Variants in TSPAN3 observed in about 807,000 individuals in gnomAD.
TSPAN3 encodes the protein tetraspanin 3, also known as tetraspanin-3.
Under a neutral mutation model 31.1 loss-of-function variants are expected in TSPAN3, and 9 were observed. That is an observed-to-expected ratio of 0.29 (90% confidence interval 0.17 to 0.50). The LOEUF is 0.50. TSPAN3 is among the 20% of genes least tolerant of loss of function. The probability of loss-of-function intolerance (pLI) is 0.98; values close to 1 mark genes in which losing one functional copy is unlikely to be tolerated. For synonymous variants in TSPAN3, 129 were observed against 114.3 expected, an observed-to-expected ratio of 1.13 and a Z score of -0.82; for missense variants, 252 against 313.5, an observed-to-expected ratio of 0.80 and a Z score of 1.48.
chr15:77,070,722 G>A (rs1460739396), intron 1 of TSPAN3, among the ~76,000 whole-genome samples, 170 bp downstream of exon 1: 1 of 151,188 alleles, frequency 6.6e-6, no homozygotes, highest in Non-Finnish European at 1.5e-5. Flanking sequence ...GTCCGGCAGG[G>A]ACCTCGCGAA....
At position 77,054,244 on chromosome 15, in the gene TSPAN3, C is replaced by T. The variant is rs773776897; in HGVS notation, c.366G>A (p.Val122=). The change falls in exon 4 of 7, where the codon GTG becomes GTA. Residue 122 remains valine (V), a synonymous_variant. Transcript: ENST00000267970. ...ENEVDRSIQK[V]YKTYNGTNPD... ...GGTTGGTTCCATTGTAGGTCTTATA[C>T]ACTTTCTGAATGCTGCGATCAACCT... The T allele has an allele frequency of 2.5e-5, 40 of 1,613,786 alleles. No homozygotes were observed. In the Admixed American group the frequency reaches 2.7e-4, roughly 11 times the overall value.
rs1320738812 is a variant in TSPAN3, at chr15:77,043,280, G to A, written c.*3555C>T. ...CTGTTTTCTCTTCCCTTAGCCCTAG[G>A]GGTGATGGCTGTTCTCTGCTAAGCT... is the stretch of plus-strand genomic sequence containing the variant. On this transcript the variant is annotated 3_prime_UTR_variant, in exon 7 of 7. Coordinates refer to ENST00000267970, the MANE Select transcript of TSPAN3 (RefSeq NM_005724.6). 1.3e-5 allele frequency: 2 copies of A among 152,212 alleles called. No homozygotes were observed. The highest frequency in any genetic ancestry group is 4.8e-5 in the African/African-American group (2 of 41,414). 9.4% of individuals were successfully genotyped at this position (152,212 alleles called of 1,614,324 possible). A position where few individuals can be genotyped will look rare whatever the true frequency, so the allele number is the denominator to read the frequency against.
intron 3 of TSPAN3, 41 bp downstream of exon 3, chr15:77,055,748 C>A: frequency 6.7e-7 from 1 of 1,492,574 alleles, no homozygotes; most frequent in Non-Finnish European, 9.1e-7. Context: ...ACACTTAAAC[C>A]ACCTTTTAAG....
In TSPAN3 at chr15:77,046,501, C is replaced by T. The variant is rs1249022189; in HGVS notation, c.*334G>A. 2.1e-5 allele frequency: 9 copies of T among 422,722 alleles called. No individual in the cohort carries two copies. The highest frequency in any genetic ancestry group is 8.5e-5 in the South Asian group (1 of 11,696). The allele number at this position is 422,722 out of a possible 1,614,324, so 26.2% of individuals were successfully genotyped here. On this transcript the variant is annotated 3_prime_UTR_variant, in exon 7 of 7. Transcript: ENST00000267970. Reference sequence around the variant, plus strand: ...AGACTGAAAGGACCTGGTGACATTTCGGCATCAGTCCTGTTACCACTTGGA... The same window carrying T: ...AGACTGAAAGGACCTGGTGACATTTTGGCATCAGTCCTGTTACCACTTGGA...
At chr15:77,061,358 T>A (rs1014080382) in intron 1 of TSPAN3, among the ~76,000 whole-genome samples, 1 of 151,946 alleles carries the variant, frequency 6.6e-6, no homozygotes. Context: ...AGAAACCCCG[T>A]CTCTACTAAA....
At chr15:77,059,381 C>T (rs2076787435) in intron 1 of TSPAN3, among the ~76,000 whole-genome samples, 1 of 152,214 alleles carries the variant, frequency 6.6e-6, no homozygotes, top group African/African-American at 2.4e-5. Context: ...TGCGCCTGGC[C>T]AGACATAGCT....
At chr15:77,059,506 ACAC>A (rs1159818580) in intron 1 of TSPAN3, among the ~76,000 whole-genome samples, 1 of 152,222 alleles carries the variant, frequency 6.6e-6, no homozygotes, top group Non-Finnish European at 1.5e-5. Context: ...ATGTACACAC[ACAC>A]ATTTTGCTAA....
intron 4 of TSPAN3, among the ~76,000 whole-genome samples, 173 bp from the exon 5 acceptor site, chr15:77,053,102 T>C (rs1390354982): frequency 6.6e-6 from 1 of 152,192 alleles, no homozygotes. Context: ...GAAGCTCTAC[T>C]GAGCACTTAA....
At chr15:77,052,028 A>T (rs922192044) in intron 6 of TSPAN3, among the ~76,000 whole-genome samples, 24 of 152,238 alleles carry the variant, frequency 1.6e-4, no homozygotes, top group African/African-American at 5.5e-4. Flanking sequence ...TGAAAGAAAG[A>T]AGTACAATTT....
chr15:77,043,817 T>A lies in TSPAN3; in HGVS notation c.*3018A>T, dbSNP rs1460048623. ...GAATTTGACAACTGTACTGCAGTCG[T>A]CAGAGAGTATCTTCTTCTTGGTAAG... On this transcript the variant is annotated 3_prime_UTR_variant, in exon 7 of 7. Transcript: ENST00000267970. The A allele has an allele frequency of 6.6e-6, 1 of 152,140 alleles. No individual in the cohort carries two copies. The highest frequency in any genetic ancestry group is 1.5e-5 in the Non-Finnish European group (1 of 68,028). The allele number at this position is 152,140 out of a possible 1,614,324, so 9.4% of individuals were successfully genotyped here. A position where few individuals can be genotyped will look rare whatever the true frequency, so the allele number is the denominator to read the frequency against.
intron 1 of TSPAN3, among the ~76,000 whole-genome samples, chr15:77,062,933 T>C (rs1280180180): frequency 2.6e-5 from 4 of 152,232 alleles, no homozygotes; most frequent in Admixed American, 2.6e-4. Flanking sequence ...AAAATGTTGA[T>C]ATTGGTTGTC....
At chr15:77,048,453 A>G (rs947447645) in intron 6 of TSPAN3, among the ~76,000 whole-genome samples, 2 of 152,056 alleles carry the variant, frequency 1.3e-5, no homozygotes, top group African/African-American at 4.8e-5. Context: ...TGAAATAAGT[A>G]TTTCTTTCCC....
chr15:77,043,778 G>C lies in TSPAN3; in HGVS notation c.*3057C>G, dbSNP rs979525488. 6.6e-6 allele frequency: 1 copy of C among 152,256 alleles called. No homozygotes were observed. The highest frequency in any genetic ancestry group is 2.4e-5 in the African/African-American group (1 of 41,440). 9.4% of individuals were successfully genotyped at this position (152,256 alleles called of 1,614,324 possible). ...ATATGAGTGGTGAGGTATTCTATCAGTGTTAGATGGACGGAATTTGACAAC... is the reference window on the plus strand; with the variant it reads ...ATATGAGTGGTGAGGTATTCTATCACTGTTAGATGGACGGAATTTGACAAC... On this transcript the variant is annotated 3_prime_UTR_variant, in exon 7 of 7. Coordinates refer to ENST00000267970, the MANE Select transcript of TSPAN3 (RefSeq NM_005724.6).
intron 1 of TSPAN3, among the ~76,000 whole-genome samples, chr15:77,065,712 GTTTTAT>G (rs2076828670): frequency 6.6e-6 from 1 of 152,156 alleles, no homozygotes; most frequent in African/African-American, 2.4e-5. Flanking sequence ...TGGCTGATAA[GTTTTAT>G]TTTTAAAGGC....
At chr15:77,051,086 G>T (rs1327839827) in intron 6 of TSPAN3, among the ~76,000 whole-genome samples, 2 of 151,342 alleles carry the variant, frequency 1.3e-5, no homozygotes, top group South Asian at 2.1e-4. Context: ...TTTTTTTTTG[G>T]TAGAAATGGA....
chr15:77,053,451 C>CAG (rs2076745007), intron 4 of TSPAN3, among the ~76,000 whole-genome samples: 1 of 50,380 alleles, frequency 2.0e-5, no homozygotes. Flanking sequence ...TTCGCCATCT[C>CAG]AAAAAAAAAA....
At chr15:77,065,528 G>A (rs560771208) in intron 1 of TSPAN3, among the ~76,000 whole-genome samples, 16 of 152,196 alleles carry the variant, frequency 1.1e-4, no homozygotes, top group East Asian at 7.7e-4. Context: ...CCGGGTTCAC[G>A]CCATGCTCCT....
chr15:77,056,784 T>C (rs759378858), intron 1 of TSPAN3, among the ~76,000 whole-genome samples: 8 of 152,298 alleles, frequency 5.3e-5, no homozygotes, highest in East Asian at 1.9e-4. Flanking sequence ...CTTGCTGTCC[T>C]AGAGACAGTG....
intron 4 of TSPAN3, 40 bp downstream of exon 4, chr15:77,054,138 G>A (rs370129453): frequency 2.1e-6 from 3 of 1,418,776 alleles, no homozygotes; most frequent in Non-Finnish European, 3.0e-6. Context: ...ACCCAATCGT[G>A]ATTGGTCCTC....
Sources: gnomAD v4.1 joint callset for allele counts (sites outside exome capture counted in the v4.1 genomes callset) on GRCh38, gnomAD v4.1.1 for gene constraint, MANE v1.5 for transcripts, NCBI Gene and HGNC (gene_info 2026-07-23, HGNC 2026-07-21) for gene names.